Variants in TRMT10B observed in about 807,000 individuals in gnomAD.
The protein encoded by TRMT10B is tRNA methyltransferase 10 homolog B.
Under a neutral mutation model 43.8 loss-of-function variants are expected in TRMT10B, and 33 were observed. That is an observed-to-expected ratio of 0.75 (90% CI 0.57 to 1.01). The LOEUF is 1.01. TRMT10B is among the 50% of genes least tolerant of loss of function. TRMT10B has a pLI of 0.00. For missense variants in TRMT10B, 362 were observed against 369.8 expected (o/e 0.98, Z 0.17); for synonymous variants, 137 against 130.6 (o/e 1.05, Z -0.34).
chr9:37,769,180 C>T lies in TRMT10B; in HGVS notation c.574-761C>T, dbSNP rs544876533. ...AACATTAGCTCGGTGCAGTGGTGCG[C>T]GCCTGTAGTCCCAGCTACTCAGGAG... On this transcript the variant is annotated intron_variant, in intron 5 of 8. Transcript: ENST00000297994. Among the ~76,000 whole-genome samples, 12 of 151,724 alleles carry T rather than the reference C, an allele frequency of 7.9e-5. No homozygotes were observed. In the South Asian group the frequency reaches 2.1e-3, roughly 26 times the overall value.
Position 37,761,939 on chromosome 9 carries a change from G to A in TRMT10B, c.8G>A (p.Trp3Ter), listed in dbSNP as rs1322034494. 2 of 1,612,820 alleles carry A rather than the reference G, an allele frequency of 1.2e-6. No individual in the cohort carries two copies. The highest frequency in any genetic ancestry group is 1.1e-5 in the South Asian group (1 of 90,980). ...GGACAGAGGACTAAGTCCATGGACT[G>A]GAAATTGGAAGGGAGTACTCAGAAA... MD[W>*]KLEGSTQKVE... is the part of the protein sequence containing the mutation. The change falls in exon 2 of 9, where the codon TGG becomes TAG. Residue 3 changes from tryptophan to a stop codon, truncating the protein, a stop_gained. Transcript: ENST00000297994. LOFTEE classifies it high-confidence loss of function.
At chr9:37,764,958 TG>T (rs1239493043) in intron 4 of TRMT10B, among the ~76,000 whole-genome samples, 2 of 151,834 alleles carry the variant, frequency 1.3e-5, no homozygotes, top group Non-Finnish European at 2.9e-5. Context: ...CTGTGTGAGG[TG>T]GGCTTTGTAG....
chr9:37,755,434 T>A (rs766324387), intron 1 of TRMT10B, among the ~76,000 whole-genome samples: 2 of 152,054 alleles, frequency 1.3e-5, no homozygotes, highest in Non-Finnish European at 2.9e-5. Context: ...CAAAAAAAAA[T>A]GCTAAATTTG....
chr9:37,766,313 C>G (rs1381002583), intron 4 of TRMT10B, among the ~76,000 whole-genome samples: 1 of 152,134 alleles, frequency 6.6e-6, no homozygotes, highest in Non-Finnish European at 1.5e-5. Flanking sequence ...CCAGTTTTCC[C>G]AGCACCATTT....
rs1221818367 is a variant in TRMT10B at position 37,777,653 on chromosome 9, GAAGA to G, written c.901_904del (p.Lys301GlufsTer36). ...AGACTCACAACTGGCCTGAAGCATT[GAAGA>G]AAGGAGTTTCTTCAGGAAAAGGCTA... On this transcript the variant is annotated frameshift_variant, in exon 9 of 9. Coordinates refer to ENST00000297994, the MANE Select transcript of TRMT10B (RefSeq NM_144964.4). LOFTEE classifies it high-confidence loss of function. 6.2e-7 allele frequency: 1 copy of G among 1,613,794 alleles called. No homozygotes were observed. Among genetic ancestry groups the G allele is most frequent in the Non-Finnish European group, 8.5e-7 (1 of 1,179,968 alleles).
rs1292780147 is a variant in TRMT10B at position 37,770,712 on chromosome 9, TG to T, written c.696del (p.Val234TrpfsTer9). The T allele has an allele frequency of 3.7e-6, 6 of 1,614,066 alleles. No individual in the cohort carries two copies. The highest frequency in any genetic ancestry group is 5.1e-6 in the Non-Finnish European group (6 of 1,180,040). ...ATCTAAACAAAGTTTACATCCTCGG[TG>T]GGCTTGTGGATGAAAGCATTCAGAA... ...VDLNKVYILGGLVDESIQKKV... is the reference protein window; with the variant it reads ...VDLNKVYILGXLVDESIQKKV... On this transcript the variant is annotated frameshift_variant, in exon 7 of 9. Coordinates refer to ENST00000297994, the MANE Select transcript of TRMT10B (RefSeq NM_144964.4). LOFTEE classifies it high-confidence loss of function.
At position 37,762,108 on chromosome 9, in the gene TRMT10B, A is replaced by C; in HGVS notation, c.177A>C (p.Ala59=). The change falls in exon 2 of 9, where the codon GCA becomes GCC. Residue 59 remains alanine, a synonymous_variant. Transcript: ENST00000297994. ...AGATCCTGGCCACAGGCAGTACGGC[A>C]TGGTGCTCGGTGAGTGCGTGAATTG... The part of the protein sequence containing the change: ...EGEILATGST[A]WCSKNVQRKQ... 3 of 1,613,486 alleles carry C rather than the reference A, an allele frequency of 1.9e-6. 1 individual carries two copies. Among genetic ancestry groups the C allele is most frequent in the South Asian group, 2.2e-5 (2 of 91,026 alleles).
At chr9:37,753,509 C>G (rs181245292), upstream of TRMT10B, among the ~76,000 whole-genome samples, 2 of 148,996 alleles carry the variant, frequency 1.3e-5, no homozygotes, top group African/African-American at 4.8e-5. Flanking sequence ...TTTTGCTTCA[C>G]ACACCCCAGT....
Position 37,761,952 on chromosome 9 carries a change from G to T in TRMT10B, c.21G>T (p.Gly7=). The T allele has an allele frequency of 6.2e-7, 1 of 1,613,534 alleles. No homozygotes were observed. The highest frequency in any genetic ancestry group is 8.5e-7 in the Non-Finnish European group (1 of 1,179,636). The stretch of plus-strand genomic sequence containing the variant: ...AGTCCATGGACTGGAAATTGGAAGG[G>T]AGTACTCAGAAAGTAGAGTCACCTG... MDWKLE[G]STQKVESPVL... Residue 7 remains glycine (G), a synonymous_variant, in exon 2 of 9, where the codon GGG becomes GGT. Transcript: ENST00000297994.
chr9:37,777,771 C>A lies in TRMT10B; in HGVS notation c.*64C>A, dbSNP rs565665181. 8 of 1,355,232 alleles carry A rather than the reference C, an allele frequency of 5.9e-6. No homozygotes were observed. The highest frequency in any genetic ancestry group is 8.4e-6 in the Non-Finnish European group (8 of 949,440). 84.0% of individuals were successfully genotyped at this position (1,355,232 alleles called of 1,614,324 possible). A position where few individuals can be genotyped will look rare whatever the true frequency, so the allele number is the denominator to read the frequency against. Reference sequence around the variant, plus strand: ...CCGTAATGCCAACACTTTGGTAGACCGAAGTGGGCAGATCACCTGAGGTCA... The same window carrying A: ...CCGTAATGCCAACACTTTGGTAGACAGAAGTGGGCAGATCACCTGAGGTCA... On this transcript the variant is annotated 3_prime_UTR_variant, in exon 9 of 9. Coordinates refer to ENST00000297994, the MANE Select transcript of TRMT10B (RefSeq NM_144964.4).
chr9:37,763,851 T>C, intron 4 of TRMT10B, 98 bp downstream of exon 4: 1 of 1,604,774 alleles, frequency 6.2e-7, no homozygotes, highest in Non-Finnish European at 8.5e-7. Context: ...GCTTCTGGGA[T>C]TCCTTAGTAA....
chr9:37,753,009 C>G (rs12352671), upstream of TRMT10B, among the ~76,000 whole-genome samples: 3,394 of 152,240 alleles, frequency 0.022, 121 homozygotes, highest in African/African-American at 0.077. Context: ...AGCTATAACA[C>G]TCGCCGTGAA....
intron 7 of TRMT10B, among the ~76,000 whole-genome samples, chr9:37,773,562 G>A (rs1446463740): frequency 1.3e-5 from 2 of 152,176 alleles, no homozygotes; most frequent in Admixed American, 6.5e-5. Context: ...AGGGTCGGGC[G>A]TGGTGGCTCA....
intron 8 of TRMT10B, among the ~76,000 whole-genome samples, chr9:37,777,193 TCAAAAAAAAAA>T: frequency 7.0e-5 from 1 of 14,286 alleles, no homozygotes; most frequent in African/African-American, 4.3e-4. Context: ...CAACTCCGCC[TCAAAAAAAAAA>T]AAAAAAAAAA....
intron 1 of TRMT10B, among the ~76,000 whole-genome samples, chr9:37,755,156 C>T (rs554954903): frequency 5.9e-5 from 9 of 152,222 alleles, no homozygotes; most frequent in African/African-American, 2.2e-4. Context: ...CCTGTAGTCC[C>T]AGCTACTCAG....
intron 7 of TRMT10B, among the ~76,000 whole-genome samples, chr9:37,773,362 CCTT>C (rs1649688388): frequency 1.3e-5 from 2 of 152,024 alleles, no homozygotes; most frequent in African/African-American, 4.8e-5. Flanking sequence ...CTCAAGCAAT[CCTT>C]CTGCCTCAGC....
chr9:37,776,553 T>C, intron 8 of TRMT10B, 148 bp downstream of exon 8: 3 of 984,084 alleles, frequency 3.0e-6, no homozygotes, highest in Non-Finnish European at 4.2e-6. Context: ...TTCTGGCCAC[T>C]AAGAGGCATT....
At chr9:37,774,030 C>T (rs1827873377) in intron 7 of TRMT10B, among the ~76,000 whole-genome samples, 1 of 151,934 alleles carries the variant, frequency 6.6e-6, no homozygotes, top group Non-Finnish European at 1.5e-5. Context: ...GGTGACAGCG[C>T]CCCCACCCCG....
intron 8 of TRMT10B, among the ~76,000 whole-genome samples, 176 bp from the exon 9 acceptor site, chr9:37,777,425 G>A (rs990686613): frequency 1.3e-5 from 2 of 150,904 alleles, no homozygotes; most frequent in African/African-American, 4.9e-5. Flanking sequence ...TTTCAGGGTA[G>A]GCTGAGGTCC....
Sources: allele counts gnomAD v4.1 joint callset (sites outside exome capture counted in the v4.1 genomes callset), GRCh38; gene constraint gnomAD v4.1.1; transcripts MANE v1.5; gene names NCBI Gene and HGNC (gene_info 2026-07-23, HGNC 2026-07-21).